The following GALNT8 variants were observed in gnomAD, a reference collection of about 807,000 sequenced individuals.
GALNT8 encodes polypeptide N-acetylgalactosaminyltransferase 8, also known as probable polypeptide N-acetylgalactosaminyltransferase 8.
Under a neutral mutation model 62.7 loss-of-function variants are expected in GALNT8, and 66 were observed. That is an observed-to-expected ratio of 1.05 (90% confidence interval 0.86 to 1.29). GALNT8 has a LOEUF of 1.29. Among genes scored for constraint, GALNT8 ranks in the 50% most tolerant of loss-of-function variants. The pLI is 0.00. For synonymous variants in GALNT8, 288 were observed against 294.3 expected, an observed-to-expected ratio of 0.98 and a Z score of 0.22; for missense variants, 771 against 791.8, an observed-to-expected ratio of 0.97 and a Z score of 0.32.
intron 6 of GALNT8, among the ~76,000 whole-genome samples, chr12:4,754,946 C>T (rs867919470): frequency 1.4e-4 from 21 of 152,170 alleles, no homozygotes; most frequent in African/African-American, 5.1e-4. Flanking sequence ...TCCTAGCCTG[C>T]TGTAACTGAG....
chr12:4,726,736 C>T lies in GALNT8; in HGVS notation c.416C>T (p.Ala139Val), dbSNP rs766345836. ...GEDLSEAQQK[A>V]AQDLFRKFGY... ...GATCTTTCTGAGGCCCAGCAGAAGG[C>T]GGCCCAGGACCTCTTCCGGAAGTTT... Residue 139 changes from alanine (A) to valine (V), a missense_variant, in exon 2 of 11, where the codon GCG (alanine) becomes GTG (valine). Coordinates refer to ENST00000252318, the MANE Select transcript of GALNT8 (RefSeq NM_017417.2). This position sits in a 1 kb window ranked among gnomAD's most constrained non-coding sequence, Gnocchi z 4.1. 2.4e-5 allele frequency: 38 copies of T among 1,613,712 alleles called. No homozygotes were observed. The highest frequency in any genetic ancestry group is 2.6e-5 in the Non-Finnish European group (31 of 1,179,834).
intron 2 of GALNT8, among the ~76,000 whole-genome samples, chr12:4,728,450 C>T (rs534333330): frequency 7.9e-5 from 12 of 152,102 alleles, no homozygotes; most frequent in Middle Eastern, 6.8e-3. Flanking sequence ...GGTACAAGGT[C>T]GCAAAGGTTT....
chr12:4,731,744 A>G (rs1478179315), intron 2 of GALNT8, among the ~76,000 whole-genome samples: 2 of 152,210 alleles, frequency 1.3e-5, no homozygotes, highest in African/African-American at 4.8e-5. Flanking sequence ...AGATGATCAT[A>G]TAGTTTTTGT....
rs1156260746 is a variant in GALNT8, at chr12:4,749,494, A to G, written c.1173+3236A>G. Among the ~76,000 whole-genome samples the G allele has an allele frequency of 6.6e-6, 1 of 152,204 alleles. No individual in the cohort carries two copies. Among genetic ancestry groups the G allele is most frequent in the Non-Finnish European group, 1.5e-5 (1 of 68,026 alleles). ...ATATGTTGAACAATCCTTGCATCCC[A>G]GGGATAAATCCCACTTGGTCATAAT... On this transcript the variant is annotated intron_variant, in intron 6 of 10. Coordinates refer to ENST00000252318, the MANE Select transcript of GALNT8 (RefSeq NM_017417.2). This position sits in a 1 kb window ranked among gnomAD's most constrained non-coding sequence, Gnocchi z 4.1.
chr12:4,768,426 C>CT, intron 10 of GALNT8: 1 of 342,208 alleles, frequency 2.9e-6, no homozygotes, highest in Non-Finnish European at 5.8e-6. Context: ...TGTGTTTTTT[C>CT]TTTTCATGAT....
In GALNT8 at chr12:4,737,021, T is replaced by C. The variant is rs1233806404; in HGVS notation, c.510-2142T>C. 2.0e-5 allele frequency among the ~76,000 whole-genome samples: 3 copies of C among 152,208 alleles called. No homozygotes were observed. In the East Asian group the frequency reaches 5.8e-4, roughly 29 times the overall value. ...AATAGAAACTATCAATAAAGACTTA[T>C]ACATTATAAAGAGGTTCCAAATGAT... On this transcript the variant is annotated intron_variant, in intron 2 of 10. Transcript: ENST00000252318.
At chr12:4,739,763 C>T (rs888572968) in intron 3 of GALNT8, among the ~76,000 whole-genome samples, 21 of 151,690 alleles carry the variant, frequency 1.4e-4, no homozygotes, top group South Asian at 8.4e-4. Context: ...CTACTGGGTC[C>T]GCGCCATTCT....
chr12:4,721,104 G>A (rs1946165975), intron 1 of GALNT8, among the ~76,000 whole-genome samples: 1 of 152,100 alleles, frequency 6.6e-6, no homozygotes, highest in African/African-American at 2.4e-5. Flanking sequence ...GCAGTATGGG[G>A]GAGGTGAGCA....
At chr12:4,743,527 C>T (rs977796462) in intron 3 of GALNT8, among the ~76,000 whole-genome samples, 9 of 152,154 alleles carry the variant, frequency 5.9e-5, no homozygotes, top group Non-Finnish European at 8.8e-5. Context: ...GCAAGAATCT[C>T]GTTCCTTGGC....
chr12:4,765,688 C>T, intron 10 of GALNT8, 142 bp downstream of exon 10: 1 of 604,070 alleles, frequency 1.7e-6, no homozygotes, highest in Non-Finnish European at 2.8e-6. Flanking sequence ...TTTGGGTTGG[C>T]TGTGAGATCT....
chr12:4,739,105 A>G (rs903920490), intron 2 of GALNT8, 58 bp from the exon 3 acceptor site: 2 of 1,028,090 alleles, frequency 1.9e-6, no homozygotes, highest in Non-Finnish European at 2.9e-6. Context: ...GAAAGATTGG[A>G]TAGCAGTGTT....
At position 4,726,755 on chromosome 12, in the gene GALNT8, G is replaced by T. The variant is rs755859753; in HGVS notation, c.435G>T (p.Arg145=). ...AQQKAAQDLF[R]KFGYNAYLSN... is the part of the protein sequence containing the mutation. ...AGAAGGCGGCCCAGGACCTCTTCCG[G>T]AAGTTTGGTTACAACGCGTACCTCA... The change falls in exon 2 of 11, where the codon CGG becomes CGT. Residue 145 remains arginine, a synonymous_variant. Coordinates refer to ENST00000252318, the MANE Select transcript of GALNT8 (RefSeq NM_017417.2). The surrounding 1 kb of genome is among the most constrained non-coding windows in gnomAD (Gnocchi z 4.1). The T allele has an allele frequency of 6.2e-7, 1 of 1,614,064 alleles. No homozygotes were observed. Among genetic ancestry groups the T allele is most frequent in the Admixed American group, 1.7e-5 (1 of 60,010 alleles).
intron 2 of GALNT8, among the ~76,000 whole-genome samples, chr12:4,731,940 C>T (rs1340714160): frequency 1.3e-5 from 2 of 151,998 alleles, no homozygotes; most frequent in African/African-American, 4.8e-5. Context: ...GAGGGACCTT[C>T]ATTAAAAAAT....
chr12:4,729,246 A>G (rs1459693061), intron 2 of GALNT8, among the ~76,000 whole-genome samples: 1 of 152,202 alleles, frequency 6.6e-6, no homozygotes, highest in Non-Finnish European at 1.5e-5. Flanking sequence ...CTAAATTAAC[A>G]TATGCATTAC....
intron 6 of GALNT8, 40 bp downstream of exon 6, chr12:4,746,298 A>T (rs375206785): frequency 1.8e-6 from 2 of 1,121,018 alleles, no homozygotes; most frequent in Admixed American, 1.7e-5. Context: ...CAAAGCAGAA[A>T]GGGGAATAAT....
intron 2 of GALNT8, among the ~76,000 whole-genome samples, chr12:4,737,681 A>G (rs987661430): frequency 2.6e-5 from 4 of 152,142 alleles, no homozygotes; most frequent in Admixed American, 2.6e-4. Context: ...CAGTATGGGG[A>G]GGTGGGACCC....
At chr12:4,733,617 T>C (rs978692873) in intron 2 of GALNT8, among the ~76,000 whole-genome samples, 11 of 152,206 alleles carry the variant, frequency 7.2e-5, no homozygotes, top group African/African-American at 2.7e-4. Context: ...TACAGATTTA[T>C]TGTATAACCA....
intron 10 of GALNT8, among the ~76,000 whole-genome samples, chr12:4,770,344 C>T (rs1432993625): frequency 6.6e-6 from 1 of 150,504 alleles, no homozygotes; most frequent in Non-Finnish European, 1.5e-5. Context: ...CAAAAAAAAT[C>T]AAACCCAAAA....
chr12:4,721,557 C>A (rs1342901304), intron 1 of GALNT8, among the ~76,000 whole-genome samples: 1 of 152,178 alleles, frequency 6.6e-6, no homozygotes, highest in African/African-American at 2.4e-5. Flanking sequence ...TATGCATACA[C>A]ATAAACATCT....
Sources: gnomAD v4.1 joint callset for allele counts (sites outside exome capture counted in the v4.1 genomes callset) on GRCh38, gnomAD v4.1.1 for gene constraint, Gnocchi (gnomAD v3.1) non-coding constraint, MANE v1.5 for transcripts, NCBI Gene and HGNC (gene_info 2026-07-23, HGNC 2026-07-21) for gene names.